The following STK32A variants were observed in gnomAD, a reference collection of about 807,000 sequenced individuals.
The protein encoded by STK32A is serine/threonine kinase 32A.
In STK32A, 41 loss-of-function variants were observed where a neutral mutation model predicts 53.2. The observed-to-expected ratio is 0.77, with a 90% CI of 0.60 to 1.00. STK32A has a LOEUF of 1.00. Ranked by LOEUF, STK32A falls within the 50% of genes least tolerant of loss-of-function variation. STK32A has a pLI of 0.00. For missense variants in STK32A, 458 were observed against 485.8 expected, an observed-to-expected ratio of 0.94 and a Z score of 0.54; for synonymous variants, 166 against 162.8, an observed-to-expected ratio of 1.02 and a Z score of -0.15.
At chr5:147,259,855 C>CTG in intron 2 of STK32A, among the ~76,000 whole-genome samples, 1 of 142,248 alleles carries the variant, frequency 7.0e-6, no homozygotes, top group Admixed American at 7.2e-5. Context: ...TCTCTCCTCT[C>CTG]TCCCTCTCTT....
At chr5:147,381,826 C>T (rs1757466219) in intron 11 of STK32A, among the ~76,000 whole-genome samples, 2 of 152,054 alleles carry the variant, frequency 1.3e-5, no homozygotes, top group South Asian at 4.2e-4. Flanking sequence ...ACAGTACGTA[C>T]ACTGGTTTGC....
chr5:147,258,497 T>C (rs114645896), intron 2 of STK32A, among the ~76,000 whole-genome samples: 8,249 of 152,206 alleles, frequency 0.054, 333 homozygotes, highest in Non-Finnish European at 0.085. Flanking sequence ...TACTTTTAAA[T>C]TATACAACAT....
At chr5:147,323,366 C>A in intron 4 of STK32A, among the ~76,000 whole-genome samples, 1 of 152,140 alleles carries the variant, frequency 6.6e-6, no homozygotes, top group Middle Eastern at 3.2e-3. Flanking sequence ...GAATTACTTC[C>A]TTGTACTGTG....
chr5:147,272,939 A>ATT (rs1755105477), intron 2 of STK32A, among the ~76,000 whole-genome samples: 1 of 152,162 alleles, frequency 6.6e-6, no homozygotes, highest in Non-Finnish European at 1.5e-5. Context: ...TGCTGTTCTC[A>ATT]ATAGACTCAC....
chr5:147,400,812 C>T, the STK32A span: 3 of 1,613,988 alleles, frequency 1.9e-6, no homozygotes, highest in Non-Finnish European at 1.7e-6. Context: ...AGTGGGCACT[C>T]CCAGATAGCT....
intron 8 of STK32A, among the ~76,000 whole-genome samples, chr5:147,363,790 T>C (rs1756622690): frequency 6.6e-6 from 1 of 152,204 alleles, no homozygotes; most frequent in South Asian, 2.1e-4. Context: ...TTTTCTGCAA[T>C]ATGGATAGAA....
intron 11 of STK32A, among the ~76,000 whole-genome samples, chr5:147,376,942 G>A (rs528035507): frequency 1.3e-5 from 2 of 152,190 alleles, no homozygotes; most frequent in South Asian, 4.1e-4. Context: ...ACTGGACAAA[G>A]ACATCACAAA....
chr5:147,265,170 T>C (rs932215596), intron 2 of STK32A, among the ~76,000 whole-genome samples: 6 of 149,708 alleles, frequency 4.0e-5, no homozygotes, highest in Non-Finnish European at 8.9e-5. Flanking sequence ...ATACTCTTCA[T>C]TGTAAACAAG....
intron 2 of STK32A, among the ~76,000 whole-genome samples, chr5:147,264,469 C>A (rs989987109): frequency 1.3e-5 from 2 of 152,172 alleles, no homozygotes; most frequent in Non-Finnish European, 2.9e-5. Flanking sequence ...GAAAAGTCAA[C>A]ATGTGTAAAC....
chr5:147,240,524 C>T (rs1753529064), intron 2 of STK32A, among the ~76,000 whole-genome samples: 1 of 152,132 alleles, frequency 6.6e-6, no homozygotes. Context: ...ACTTGCTAGG[C>T]CCAAGCAGCT....
chr5:147,380,650 A>T (rs1757416498), intron 11 of STK32A, among the ~76,000 whole-genome samples: 1 of 152,190 alleles, frequency 6.6e-6, no homozygotes, highest in South Asian at 2.1e-4. Context: ...AAAAGTCATC[A>T]ATAGATGTTG....
intron 5 of STK32A, among the ~76,000 whole-genome samples, chr5:147,341,305 T>C (rs955460243): frequency 1.3e-5 from 2 of 152,178 alleles, no homozygotes; most frequent in African/African-American, 2.4e-5. Context: ...GAGTATTTGA[T>C]GGTGTGCACA....
At chr5:147,343,568 T>C (rs559330670) in intron 6 of STK32A, among the ~76,000 whole-genome samples, 1 of 152,364 alleles carries the variant, frequency 6.6e-6, no homozygotes, top group East Asian at 1.9e-4. Flanking sequence ...TTAGGGTCAT[T>C]GTAAAGACTG....
intron 6 of STK32A, among the ~76,000 whole-genome samples, chr5:147,345,747 T>C (rs886444430): frequency 6.6e-6 from 1 of 152,194 alleles, no homozygotes; most frequent in African/African-American, 2.4e-5. Context: ...CAAGCCATCA[T>C]TCCAGTGTGC....
chr5:147,239,014 A>G (rs1236362671), intron 1 of STK32A, among the ~76,000 whole-genome samples: 2 of 152,318 alleles, frequency 1.3e-5, no homozygotes, highest in East Asian at 3.9e-4. Context: ...GGAAAGTACC[A>G]TTATCTTCCC....
chr5:147,350,978 C>A, intron 6 of STK32A, 87 bp from the exon 7 acceptor site: 2 of 1,099,456 alleles, frequency 1.8e-6, no homozygotes, highest in Non-Finnish European at 2.8e-6. Flanking sequence ...AATTAACAGA[C>A]TAATTGGGTG....
chr5:147,383,569 T>C, intron 12 of STK32A, 64 bp downstream of exon 12: 1 of 1,220,096 alleles, frequency 8.2e-7, no homozygotes, highest in Non-Finnish European at 1.2e-6. Context: ...AGACTTTACT[T>C]GCAGAGAAAA....
intron 5 of STK32A, among the ~76,000 whole-genome samples, chr5:147,337,114 T>C (rs1283236547): frequency 1.3e-5 from 2 of 152,180 alleles, no homozygotes; most frequent in South Asian, 4.1e-4. Context: ...GAAGAGTAGA[T>C]ACATCAATTC....
In STK32A at chr5:147,246,419, G is replaced by A. The variant is rs181826790; in HGVS notation, c.52+6733G>A. On this transcript the variant is annotated intron_variant, in intron 2 of 12. Coordinates refer to ENST00000397936, the MANE Select transcript of STK32A (RefSeq NM_001112724.2). ...GAAGAATCAACTCAAACAAATTTAGGAAAGTCACATCCTGCCTTTAGAGCT... is the reference window on the plus strand; with the variant it reads ...GAAGAATCAACTCAAACAAATTTAGAAAAGTCACATCCTGCCTTTAGAGCT... Among the ~76,000 whole-genome samples, 306 of 152,272 alleles carry A rather than the reference G, an allele frequency of 2.0e-3. 1 individual carries two copies. Among genetic ancestry groups the A allele is most frequent in the African/African-American group, 7.1e-3 (295 of 41,554 alleles).
Sources: allele counts gnomAD v4.1 joint callset (sites outside exome capture counted in the v4.1 genomes callset), GRCh38; gene constraint gnomAD v4.1.1; transcripts MANE v1.5; gene names NCBI Gene and HGNC (gene_info 2026-07-23, HGNC 2026-07-21).